The following KCNQ5 variants were observed in gnomAD, a reference collection of about 807,000 sequenced individuals.
KCNQ5 encodes potassium voltage-gated channel subfamily Q member 5.
KCNQ5 carries 30 observed loss-of-function variants against 98.2 expected under a neutral mutation model. The ratio of observed to expected loss-of-function variants is 0.31; its 90% CI spans 0.23 to 0.41. The LOEUF is 0.41. Ranked by LOEUF, KCNQ5 falls within the 10% of genes least tolerant of loss-of-function variation. The probability of loss-of-function intolerance (pLI) is 1.00; values close to 1 mark genes in which losing one functional copy is unlikely to be tolerated. For missense variants in KCNQ5, 835 were observed against 1,182.5 expected (o/e 0.71, Z 4.31); for synonymous variants, 458 against 449.4 (o/e 1.02, Z -0.24).
chr6:73,103,064 A>G (rs1774854091), intron 5 of KCNQ5, among the ~76,000 whole-genome samples: 1 of 152,232 alleles, frequency 6.6e-6, no homozygotes, highest in Admixed American at 6.5e-5. Context: ...AGCATCCATC[A>G]ACAGACAGAT....
intron 5 of KCNQ5, among the ~76,000 whole-genome samples, chr6:73,097,838 G>T (rs754853016): frequency 1.3e-5 from 2 of 152,154 alleles, no homozygotes; most frequent in Non-Finnish European, 2.9e-5. Flanking sequence ...AGAAATGCCT[G>T]CAGTGACCAA....
chr6:73,055,195 G>A (rs1160973049), intron 3 of KCNQ5: 31 of 963,156 alleles, frequency 3.2e-5, no homozygotes, highest in Admixed American at 8.5e-5. Context: ...TGAGCCCAGC[G>A]GGCCATGAGG....
intron 1 of KCNQ5, among the ~76,000 whole-genome samples, chr6:72,869,195 C>T (rs1324130954): frequency 1.3e-5 from 2 of 152,136 alleles, no homozygotes; most frequent in South Asian, 2.1e-4. Flanking sequence ...AAGACTTAGT[C>T]TCTGATAAGA....
At chr6:73,144,568 A>T (rs1330424448) in intron 10 of KCNQ5, among the ~76,000 whole-genome samples, 2 of 152,210 alleles carry the variant, frequency 1.3e-5, no homozygotes, top group Non-Finnish European at 2.9e-5. Flanking sequence ...TTTGATTGAA[A>T]AATGTCATGA....
chr6:72,767,444 A>G (rs1410334843), intron 1 of KCNQ5, among the ~76,000 whole-genome samples: 2 of 152,058 alleles, frequency 1.3e-5, no homozygotes, highest in African/African-American at 4.8e-5. Context: ...ATTATTAAAT[A>G]TGACACCAAA....
intron 5 of KCNQ5, among the ~76,000 whole-genome samples, chr6:73,098,330 G>GGA (rs1188403144): frequency 6.6e-6 from 1 of 151,906 alleles, no homozygotes; most frequent in African/African-American, 2.4e-5. Flanking sequence ...TAAAAAGTAG[G>GGA]GAGAGAGAGA....
chr6:73,055,027 G>T, intron 3 of KCNQ5: 1 of 524,422 alleles, frequency 1.9e-6, no homozygotes, highest in East Asian at 3.8e-5. Flanking sequence ...AAAATCAGTA[G>T]AATCCCTGTG....
intron 1 of KCNQ5, among the ~76,000 whole-genome samples, chr6:72,813,068 T>G (rs1466764579): frequency 2.0e-5 from 3 of 152,198 alleles, no homozygotes. Context: ...GTTTTAATTT[T>G]TCTTTGTTAT....
intron 1 of KCNQ5, among the ~76,000 whole-genome samples, chr6:72,679,299 A>C (rs1396050291): frequency 1.3e-5 from 2 of 152,156 alleles, no homozygotes. Flanking sequence ...CACTATTCAC[A>C]ATAGCAAAGA....
chr6:73,161,742 G>A (rs1777621783), intron 10 of KCNQ5, among the ~76,000 whole-genome samples: 1 of 152,140 alleles, frequency 6.6e-6, no homozygotes, highest in South Asian at 2.1e-4. Flanking sequence ...AAATTTCATA[G>A]TGGAAATAGA....
chr6:72,944,327 A>T (rs1350696527), intron 1 of KCNQ5, among the ~76,000 whole-genome samples: 1 of 152,120 alleles, frequency 6.6e-6, no homozygotes, highest in Non-Finnish European at 1.5e-5. Flanking sequence ...GGCATCACAC[A>T]TTTTTTGTTT....
chr6:72,736,039 C>A (rs1770812116), intron 1 of KCNQ5, among the ~76,000 whole-genome samples: 1 of 151,380 alleles, frequency 6.6e-6, no homozygotes, highest in South Asian at 2.1e-4. Context: ...TTTTAAGAAA[C>A]ATGAAACTCA....
chr6:72,877,433 A>ATG (rs1195076649), intron 1 of KCNQ5, among the ~76,000 whole-genome samples: 1 of 152,124 alleles, frequency 6.6e-6, no homozygotes, highest in Non-Finnish European at 1.5e-5. Context: ...CATGGTGTAT[A>ATG]TGTACCACAT....
intron 1 of KCNQ5, among the ~76,000 whole-genome samples, chr6:72,819,529 G>A (rs1233270262): frequency 6.6e-6 from 1 of 152,108 alleles, no homozygotes; most frequent in African/African-American, 2.4e-5. Flanking sequence ...TTTCTTCCAA[G>A]AGTATTCAAA....
chr6:72,634,348 T>A (rs913749621), intron 1 of KCNQ5, among the ~76,000 whole-genome samples: 2 of 152,238 alleles, frequency 1.3e-5, no homozygotes, highest in Non-Finnish European at 2.9e-5. Context: ...CGTGCTAGCT[T>A]ATTTTCTTAT....
At chr6:72,642,488 C>T (rs893289036) in intron 1 of KCNQ5, among the ~76,000 whole-genome samples, 73 of 151,804 alleles carry the variant, frequency 4.8e-4, no homozygotes, top group Middle Eastern at 3.4e-3. Context: ...TATATGTGGC[C>T]AACAAACATA....
intron 1 of KCNQ5, among the ~76,000 whole-genome samples, chr6:72,815,091 A>AT (rs1194204028): frequency 6.6e-6 from 1 of 152,102 alleles, no homozygotes; most frequent in African/African-American, 2.4e-5. Context: ...GAAGTCCTAT[A>AT]TGAATGTATG....
intron 1 of KCNQ5, among the ~76,000 whole-genome samples, chr6:72,679,275 T>A (rs2154473714): frequency 6.6e-6 from 1 of 152,254 alleles, no homozygotes; most frequent in Middle Eastern, 3.4e-3. Flanking sequence ...CATGCACACG[T>A]ATGTTTATTG....
intron 6 of KCNQ5, among the ~76,000 whole-genome samples, chr6:73,110,184 T>C (rs1349323931): frequency 6.6e-6 from 1 of 152,178 alleles, no homozygotes; most frequent in African/African-American, 2.4e-5. Context: ...AAAATGTCCA[T>C]CTCTAACCAA....
Sources: gnomAD v4.1 joint callset for allele counts (sites outside exome capture counted in the v4.1 genomes callset) on GRCh38, gnomAD v4.1.1 for gene constraint, MANE v1.5 for transcripts, NCBI Gene and HGNC (gene_info 2026-07-23, HGNC 2026-07-21) for gene names.